Variants in TIAM2 observed in about 807,000 individuals in gnomAD.
TIAM2 encodes the protein TIAM Rac1 associated GEF 2, also known as rho guanine nucleotide exchange factor TIAM2.
Under a neutral mutation model 152.9 loss-of-function variants are expected in TIAM2, and 80 were observed. That is an observed-to-expected ratio of 0.52 (90% CI 0.44 to 0.63). The LOEUF (loss-of-function observed/expected upper bound fraction) is 0.63, where lower values mean the gene tolerates loss of function less well. TIAM2 is among the 30% of genes least tolerant of loss of function. The probability of loss-of-function intolerance (pLI) is 0.00; values close to 1 mark genes in which losing one functional copy is unlikely to be tolerated. For missense variants in TIAM2, 1,965 were observed against 2,120.1 expected, an observed-to-expected ratio of 0.93 and a Z score of 1.44; for synonymous variants, 804 against 838.0, an observed-to-expected ratio of 0.96 and a Z score of 0.70.
At chr6:155,153,780 C>A (rs1780035502) in intron 7 of TIAM2, among the ~76,000 whole-genome samples, 1 of 152,014 alleles carries the variant, frequency 6.6e-6, no homozygotes, top group Admixed American at 6.6e-5. Flanking sequence ...CACCACTACG[C>A]CCAGCTAATT....
chr6:155,241,584 T>C (rs1195271231), intron 16 of TIAM2, among the ~76,000 whole-genome samples: 1 of 152,210 alleles, frequency 6.6e-6, no homozygotes, highest in African/African-American at 2.4e-5. Context: ...ATTACCTTGC[T>C]CTGCAAGACA....
intron 7 of TIAM2, among the ~76,000 whole-genome samples, chr6:155,150,558 T>C (rs1583215725): frequency 6.6e-6 from 1 of 152,138 alleles, no homozygotes; most frequent in Admixed American, 6.5e-5. Flanking sequence ...GTTTGGGAAG[T>C]GACAAGAGTT....
chr6:155,210,883 A>G (rs1231574699), intron 14 of TIAM2, among the ~76,000 whole-genome samples: 1 of 152,228 alleles, frequency 6.6e-6, no homozygotes, highest in South Asian at 2.1e-4. Flanking sequence ...TGTAGGTCCA[A>G]ATAAATTAGT....
In TIAM2 at chr6:155,137,372, C is replaced by G; in HGVS notation, c.1390C>G (p.Arg464Gly). ...LRQNIYENFM[R>G]ELEMSRTNTE... ...GCAGAACATTTATGAGAATTTCATG[C>G]GAGAGTTGGAAATGAGCAGGACCAA... The change falls in exon 5 of 27, where the codon CGA (arginine) becomes GGA (glycine). Residue 464 changes from arginine (R) to glycine (G), a missense_variant. Arg to Gly is a moderately radical substitution (Grantham distance 125). Coordinates refer to ENST00000682666, the MANE Select transcript of TIAM2 (RefSeq NM_012454.4). 6.2e-7 allele frequency: 1 copy of G among 1,614,144 alleles called. No individual in the cohort carries two copies. Among genetic ancestry groups the G allele is most frequent in the Non-Finnish European group, 8.5e-7 (1 of 1,180,030 alleles).
At chr6:155,189,650 G>A (rs1781145100) in intron 14 of TIAM2, among the ~76,000 whole-genome samples, 1 of 151,996 alleles carries the variant, frequency 6.6e-6, no homozygotes, top group Admixed American at 6.5e-5. Context: ...GGTACATAAA[G>A]GTGAATTACA....
At chr6:155,197,536 C>T (rs1326792142) in intron 14 of TIAM2, among the ~76,000 whole-genome samples, 1 of 152,036 alleles carries the variant, frequency 6.6e-6, no homozygotes, top group Non-Finnish European at 1.5e-5. Flanking sequence ...TGTTCTTTGA[C>T]CTTGAATGTA....
At chr6:155,162,598 GT>G (rs899998272) in intron 7 of TIAM2, among the ~76,000 whole-genome samples, 3 of 152,206 alleles carry the variant, frequency 2.0e-5, no homozygotes, top group African/African-American at 7.2e-5. Flanking sequence ...AATTTGAACT[GT>G]CTTGTTAGCG....
rs1784085244 is a variant in TIAM2, at chr6:155,256,907, AC to A, written c.4893del (p.Phe1632SerfsTer39). 6.2e-7 allele frequency: 1 copy of A among 1,614,076 alleles called. No individual in the cohort carries two copies. The highest frequency in any genetic ancestry group is 8.5e-7 in the Non-Finnish European group (1 of 1,180,044). On this transcript the variant is annotated frameshift_variant, in exon 27 of 27. Coordinates refer to ENST00000682666, the MANE Select transcript of TIAM2 (RefSeq NM_012454.4). LOFTEE classifies it high-confidence loss of function. ...GGEQPKLVRGHFCPIKRKANS... is the reference protein window; with the variant it reads ...GGEQPKLVRGXFCPIKRKANS... ...GAGCAGCCCAAACTGGTCCGGGGGC[AC>A]TTCTGCCCCATTAAACGAAAAGCCA...
intron 19 of TIAM2, among the ~76,000 whole-genome samples, chr6:155,247,353 G>T (rs998569189): frequency 1.3e-5 from 2 of 151,996 alleles, no homozygotes; most frequent in African/African-American, 4.8e-5. Context: ...TTTTGAGATG[G>T]AGTCTCACTT....
At chr6:155,055,927 A>G (rs765220301) in intron 1 of TIAM2, among the ~76,000 whole-genome samples, 1 of 151,104 alleles carries the variant, frequency 6.6e-6, no homozygotes, top group Non-Finnish European at 1.5e-5. Context: ...ACGCCACTGC[A>G]CCCCAGCCTG....
intron 1 of TIAM2, among the ~76,000 whole-genome samples, chr6:155,044,857 C>T (rs1777131131): frequency 6.6e-6 from 1 of 151,896 alleles, no homozygotes; most frequent in African/African-American, 2.4e-5. Flanking sequence ...TCTTATGTCT[C>T]CGAATATATT....
chr6:155,196,248 G>A (rs1781344559), intron 14 of TIAM2, among the ~76,000 whole-genome samples: 1 of 152,158 alleles, frequency 6.6e-6, no homozygotes, highest in South Asian at 2.1e-4. Flanking sequence ...CCAGAAAGTT[G>A]GAGTTTCCAT....
chr6:155,097,607 C>CT (rs1778446007), intron 2 of TIAM2, among the ~76,000 whole-genome samples: 1 of 152,226 alleles, frequency 6.6e-6, no homozygotes, highest in Non-Finnish European at 1.5e-5. Flanking sequence ...CCCCAAAGTG[C>CT]TGGGATTACA....
chr6:155,248,035 GC>G lies in TIAM2; in HGVS notation c.3691del (p.Arg1231GlyfsTer35). The G allele has an allele frequency of 2.5e-6, 4 of 1,614,118 alleles. No homozygotes were observed. The highest frequency in any genetic ancestry group is 3.4e-6 in the Non-Finnish European group (4 of 1,179,986). Reference sequence around the variant, plus strand: ...CAAAGCCTTCAAGGCTTTTCTGGACGCCCGGAACCCCACCAAGCAGCATTCC... The same window carrying G: ...CAAAGCCTTCAAGGCTTTTCTGGACGCCGGAACCCCACCAAGCAGCATTCC... The part of the protein sequence containing the change: ...TDKAFKAFLD[A>X]RNPTKQHSST... On this transcript the variant is annotated frameshift_variant, in exon 20 of 27. Transcript: ENST00000682666. LOFTEE classifies it high-confidence loss of function.
intron 14 of TIAM2, among the ~76,000 whole-genome samples, chr6:155,208,707 CAA>C (rs1352406100): frequency 6.6e-6 from 1 of 152,174 alleles, no homozygotes; most frequent in Non-Finnish European, 1.5e-5. Context: ...TAATAAGTGA[CAA>C]AGAGGGGACC....
At chr6:155,192,447 C>T (rs1041919982) in intron 14 of TIAM2, among the ~76,000 whole-genome samples, 7 of 152,060 alleles carry the variant, frequency 4.6e-5, no homozygotes, top group Non-Finnish European at 8.8e-5. Flanking sequence ...TCTTTCTGGA[C>T]GCTTTACTGT....
At chr6:155,027,900 T>TAC (rs1430662285) in intron 1 of TIAM2, among the ~76,000 whole-genome samples, 1 of 101,764 alleles carries the variant, frequency 9.8e-6, no homozygotes, top group East Asian at 2.3e-4. Context: ...ACATATATAC[T>TAC]ATATAATATG....
rs140063265 is a variant in TIAM2 at position 155,164,956 on chromosome 6, C to T, written c.2215-307C>T. 7.8e-3 allele frequency among the ~76,000 whole-genome samples: 1,192 copies of T among 152,248 alleles called. 17 individuals carry two copies. Among genetic ancestry groups the T allele is most frequent in the African/African-American group, 0.026 (1,089 of 41,534 alleles). ...AGGTTGTTTTCTCTGTCCTGCAGAG[C>T]GCCCCATCAGGTTTTTTGAAGTCGT... On this transcript the variant is annotated intron_variant, in intron 8 of 26. Coordinates refer to ENST00000682666, the MANE Select transcript of TIAM2 (RefSeq NM_012454.4).
Position 155,205,163 on chromosome 6 carries a change from A to G in TIAM2, c.3065-6041A>G, listed in dbSNP as rs1265452848. Among the ~76,000 whole-genome samples, 3 of 142,012 alleles carry G rather than the reference A, an allele frequency of 2.1e-5. 1 individual carries two copies. In the Admixed American group the frequency reaches 2.2e-4, roughly 10 times the overall value. 93.2% of individuals were successfully genotyped at this position (142,012 alleles called of 152,430 possible). The stretch of plus-strand genomic sequence containing the variant: ...CTGGGGGATACATTCAAACTATAGC[A>G]ACTACCATTATTAATTTCTAAAAAA... On this transcript the variant is annotated intron_variant, in intron 14 of 26. Coordinates refer to ENST00000682666, the MANE Select transcript of TIAM2 (RefSeq NM_012454.4).
Sources: allele counts gnomAD v4.1 joint callset (sites outside exome capture counted in the v4.1 genomes callset), GRCh38; gene constraint gnomAD v4.1.1; transcripts MANE v1.5; gene names NCBI Gene and HGNC (gene_info 2026-07-23, HGNC 2026-07-21).